ADAM18: variants seen among roughly 807,000 people sequenced by gnomAD.
ADAM18 encodes the protein disintegrin and metalloproteinase domain-containing protein 18.
ADAM18 carries 117 observed loss-of-function variants against 94.4 expected under a neutral mutation model. That is an observed-to-expected ratio of 1.24 (90% CI 1.07 to 1.45). ADAM18 has a LOEUF of 1.45. ADAM18 is among the 40% of genes most tolerant of loss of function. The probability of loss-of-function intolerance (pLI) is 0.00; values close to 1 mark genes in which losing one functional copy is unlikely to be tolerated. For synonymous variants in ADAM18, 327 were observed against 291.6 expected, an observed-to-expected ratio of 1.12 and a Z score of -1.24; for missense variants, 936 against 880.0, an observed-to-expected ratio of 1.06 and a Z score of -0.81.
chr8:39,670,296 A>G (rs1041385128), intron 14 of ADAM18, among the ~76,000 whole-genome samples: 2 of 152,186 alleles, frequency 1.3e-5, no homozygotes, highest in Non-Finnish European at 2.9e-5. Context: ...AGGATCTCCA[A>G]AAAACTAGTA....
At chr8:39,692,488 C>T (rs1473956154) in intron 16 of ADAM18, 112 bp from the exon 17 acceptor site, 2 of 468,870 alleles carry the variant, frequency 4.3e-6, no homozygotes, top group Non-Finnish European at 7.5e-6. Flanking sequence ...ATTAATATTA[C>T]TAAAAGTCTT....
intron 16 of ADAM18, among the ~76,000 whole-genome samples, chr8:39,689,484 G>T (rs187680095): frequency 6.6e-6 from 1 of 152,240 alleles, no homozygotes; most frequent in Non-Finnish European, 1.5e-5. Context: ...TGTCAGGTTT[G>T]TCAAAGATTA....
chr8:39,678,403 G>A (rs1047934407), intron 15 of ADAM18, among the ~76,000 whole-genome samples: 2 of 152,168 alleles, frequency 1.3e-5, no homozygotes, highest in African/African-American at 4.8e-5. Context: ...AATTACCATG[G>A]ATTATGTATG....
chr8:39,680,339 C>A, intron 16 of ADAM18, 113 bp downstream of exon 16: 1 of 982,382 alleles, frequency 1.0e-6, no homozygotes, highest in South Asian at 1.9e-5. Context: ...CTTGTGCTGG[C>A]ATTTATTTCC....
intron 14 of ADAM18, among the ~76,000 whole-genome samples, chr8:39,676,755 T>G (rs1339877394): frequency 6.6e-6 from 1 of 152,172 alleles, no homozygotes; most frequent in Non-Finnish European, 1.5e-5. Flanking sequence ...CAGACTGGAG[T>G]TGTTCCTATT....
chr8:39,699,969 T>G (rs921057840), intron 17 of ADAM18, among the ~76,000 whole-genome samples: 1 of 152,156 alleles, frequency 6.6e-6, no homozygotes, highest in East Asian at 1.9e-4. Flanking sequence ...ACACAAAGAT[T>G]ACAGAGAAAT....
At chr8:39,615,032 G>A (rs1053173302) in intron 6 of ADAM18, among the ~76,000 whole-genome samples, 22 of 152,106 alleles carry the variant, frequency 1.4e-4, no homozygotes, top group African/African-American at 5.1e-4. Flanking sequence ...TCCACTGACA[G>A]CATTAGACAA....
At chr8:39,590,300 T>C (rs536084727) in intron 2 of ADAM18, among the ~76,000 whole-genome samples, 226 of 151,630 alleles carry the variant, frequency 1.5e-3, no homozygotes, top group African/African-American at 5.3e-3. Flanking sequence ...ATGGATGAAA[T>C]TGGAAATCAT....
chr8:39,590,069 G>T (rs1055345036), intron 2 of ADAM18, among the ~76,000 whole-genome samples: 19 of 150,450 alleles, frequency 1.3e-4, no homozygotes, highest in Admixed American at 6.7e-5. Context: ...ATTTGACCCA[G>T]CCATCCCATT....
At chr8:39,704,804 A>T (rs1460615827) in intron 17 of ADAM18, among the ~76,000 whole-genome samples, 2 of 152,032 alleles carry the variant, frequency 1.3e-5, no homozygotes, top group East Asian at 1.9e-4. Context: ...TCCTGATATT[A>T]TAAGGGATTA....
intron 7 of ADAM18, among the ~76,000 whole-genome samples, chr8:39,636,153 G>T (rs1174010086): frequency 6.6e-6 from 1 of 151,336 alleles, no homozygotes; most frequent in African/African-American, 2.4e-5. Flanking sequence ...CAAGTAGCTG[G>T]GACTACAGGC....
In ADAM18 at chr8:39,668,181, A is replaced by C; in HGVS notation, c.1510A>C (p.Lys504Gln). Residue 504 changes from lysine (K) to glutamine (Q), a missense_variant, in exon 14 of 20, where the codon AAG (lysine) becomes CAG (glutamine). Physicochemically the swap from Lys to Gln is moderately conservative, Grantham distance 53. Coordinates refer to ENST00000265707, the MANE Select transcript of ADAM18 (RefSeq NM_014237.3). Reference sequence around the variant, plus strand: ...TCAAACTACTGATAACCAGTGTGCCAAGATATTTGGAAAAGGTATTGCTCT... The same window carrying C: ...TCAAACTACTGATAACCAGTGTGCCCAGATATTTGGAAAAGGTATTGCTCT... ...QCQTTDNQCA[K>Q]IFGKGAQGAP... 4.3e-6 allele frequency: 7 copies of C among 1,614,068 alleles called. No individual in the cohort carries two copies. Among genetic ancestry groups the C allele is most frequent in the Non-Finnish European group, 4.2e-6 (5 of 1,179,964 alleles).
intron 18 of ADAM18, among the ~76,000 whole-genome samples, chr8:39,718,645 G>T (rs1010875540): frequency 6.6e-6 from 1 of 150,752 alleles, no homozygotes; most frequent in Non-Finnish European, 1.5e-5. Context: ...CAACATTGTA[G>T]CTATAGTCAA....
At chr8:39,631,540 A>C (rs573456577) in intron 7 of ADAM18, among the ~76,000 whole-genome samples, 1 of 151,860 alleles carries the variant, frequency 6.6e-6, no homozygotes, top group South Asian at 2.1e-4. Context: ...CCATTGCCCT[A>C]TTTCTGTTTT....
chr8:39,655,543 C>T (rs1820661449), intron 12 of ADAM18, among the ~76,000 whole-genome samples: 1 of 152,028 alleles, frequency 6.6e-6, no homozygotes, highest in South Asian at 2.1e-4. Flanking sequence ...GTAAAATCTA[C>T]AGTTAACATC....
intron 13 of ADAM18, among the ~76,000 whole-genome samples, chr8:39,667,129 C>G (rs184486656): frequency 1.3e-5 from 2 of 151,958 alleles, no homozygotes; most frequent in African/African-American, 4.8e-5. Flanking sequence ...AGACTTGGCG[C>G]GGTGGCTCAT....
intron 19 of ADAM18, among the ~76,000 whole-genome samples, chr8:39,726,680 A>G (rs1822922635): frequency 6.6e-6 from 1 of 152,170 alleles, no homozygotes; most frequent in African/African-American, 2.4e-5. Context: ...TTATAGTTTC[A>G]GGTAAGGATT....
chr8:39,715,741 A>G (rs1346352977), intron 18 of ADAM18, among the ~76,000 whole-genome samples: 4 of 152,092 alleles, frequency 2.6e-5, no homozygotes, highest in Admixed American at 6.6e-5. Context: ...AAACTCACAC[A>G]AGATGAAACA....
intron 2 of ADAM18, among the ~76,000 whole-genome samples, chr8:39,588,690 C>G (rs1047844445): frequency 6.6e-6 from 1 of 152,164 alleles, no homozygotes; most frequent in African/African-American, 2.4e-5. Context: ...GTGTTTATTT[C>G]CTGCTATCAA....
Sources: allele counts gnomAD v4.1 joint callset (sites outside exome capture counted in the v4.1 genomes callset), GRCh38; gene constraint gnomAD v4.1.1; transcripts MANE v1.5; gene names NCBI Gene and HGNC (gene_info 2026-07-23, HGNC 2026-07-21).